AHNAK: variants seen among roughly 807,000 people sequenced by gnomAD.
AHNAK encodes the protein AHNAK nucleoprotein.
Under a neutral mutation model 37.8 loss-of-function variants are expected in AHNAK, and 23 were observed. The ratio of observed to expected loss-of-function variants is 0.61; its 90% CI spans 0.44 to 0.86. The LOEUF is 0.86. AHNAK is among the 40% of genes least tolerant of loss of function. The probability of loss-of-function intolerance (pLI) is 0.00; values close to 1 mark genes in which losing one functional copy is unlikely to be tolerated. For missense variants in AHNAK, 7,411 were observed against 7,319.4 expected, an observed-to-expected ratio of 1.01 and a Z score of -0.46; for synonymous variants, 2,481 against 2,636.3, an observed-to-expected ratio of 0.94 and a Z score of 1.80.
chr11:62,472,284 C>CACCCACCTG, intron 5 of AHNAK, among the ~76,000 whole-genome samples: 1 of 152,104 alleles, frequency 6.6e-6, no homozygotes, highest in South Asian at 2.1e-4. Context: ...CACAGCCAGA[C>CACCCACCTG]ACCCACCTGA....
chr11:62,507,085 C>A (rs949945134), intron 4 of AHNAK, among the ~76,000 whole-genome samples: 2 of 152,022 alleles, frequency 1.3e-5, no homozygotes, highest in Non-Finnish European at 2.9e-5. Flanking sequence ...AATTCCCTCC[C>A]CCCACTCCTC....
chr11:62,466,753 A>C (rs1938920555), intron 5 of AHNAK, among the ~76,000 whole-genome samples: 1 of 152,168 alleles, frequency 6.6e-6, no homozygotes, highest in Admixed American at 6.6e-5. Flanking sequence ...GATATGATAG[A>C]TATCCAGTAA....
intron 1 of AHNAK, among the ~76,000 whole-genome samples, chr11:62,543,000 A>G (rs1362950346): frequency 1.3e-5 from 2 of 152,168 alleles, no homozygotes; most frequent in Non-Finnish European, 2.9e-5. Context: ...CTGTCGCTGA[A>G]GAGCTACCCC....
At chr11:62,451,283 C>T (rs766580992) in intron 5 of AHNAK, among the ~76,000 whole-genome samples, 1 of 150,994 alleles carries the variant, frequency 6.6e-6, no homozygotes, top group African/African-American at 2.4e-5. Flanking sequence ...AAAGGCCCTC[C>T]TCCAGCCCCG....
Position 62,531,188 on chromosome 11 carries a change from T to C in AHNAK, c.3229A>G (p.Lys1077Glu), listed in dbSNP as rs766659660. The change falls in exon 5 of 5, where the codon AAA (lysine) becomes GAA (glutamate). Residue 1077 changes from lysine to glutamate, a missense_variant. By Grantham distance (56) the Lys-to-Glu change is moderately conservative. Transcript: ENST00000378024. ...MSLPDVDLDL[K>E]GPKMKGNVDI... ...ACATTTCCTTTCATTTTGGGTCCTT[T>C]AAGATCCAGGTCAACATCTGGCAAA... 1.9e-6 allele frequency: 3 copies of C among 1,614,144 alleles called. No homozygotes were observed. In the South Asian group the frequency reaches 3.3e-5, roughly 18 times the overall value.
chr11:62,494,505 C>G (rs565935725), intron 4 of AHNAK, among the ~76,000 whole-genome samples: 1 of 152,106 alleles, frequency 6.6e-6, no homozygotes, highest in South Asian at 2.1e-4. Context: ...ACTACTACCC[C>G]GTTTTACACA....
Position 62,444,709 on chromosome 11 carries a change from G to A in AHNAK, c.443-10818C>T, listed in dbSNP as rs554000173. 2.1e-4 allele frequency among the ~76,000 whole-genome samples: 32 copies of A among 152,348 alleles called. 1 individual carries two copies. The highest frequency in any genetic ancestry group is 1.8e-3 in the Admixed American group (28 of 15,296). On this transcript the variant is annotated intron_variant, in intron 5 of 5. Coordinates refer to the AHNAK transcript ENST00000257247. The stretch of plus-strand genomic sequence containing the variant: ...ATGGGGCACAGCACGCATGCGCGAT[G>A]GGCACTCCGGGTGCGTCAGCTGATT...
chr11:62,457,316 C>T (rs1220883875), intron 5 of AHNAK, among the ~76,000 whole-genome samples: 2 of 152,022 alleles, frequency 1.3e-5, no homozygotes, highest in Non-Finnish European at 2.9e-5. Flanking sequence ...GGCGTGGTGG[C>T]ACACACCTGT....
chr11:62,461,097 A>G lies in AHNAK; in HGVS notation c.443-27206T>C, dbSNP rs538366270. 2.7e-5 allele frequency among the ~76,000 whole-genome samples: 4 copies of G among 145,752 alleles called. No homozygotes were observed. In the South Asian group the frequency reaches 8.7e-4, roughly 32 times the overall value. ...TGATCCGCCCGCCTCGGCCTCCCAAAGTGTTGGGATTACAGGCGTGGGCCA... is the reference window on the plus strand; with the variant it reads ...TGATCCGCCCGCCTCGGCCTCCCAAGGTGTTGGGATTACAGGCGTGGGCCA... On this transcript the variant is annotated intron_variant, in intron 5 of 5. Coordinates refer to the AHNAK transcript ENST00000257247.
rs981134489 is a variant in AHNAK, at chr11:62,451,463, C to T, written c.443-17572G>A. 5.3e-5 allele frequency among the ~76,000 whole-genome samples: 8 copies of T among 151,766 alleles called. 2 individuals carry two copies. Among genetic ancestry groups the T allele is most frequent in the Non-Finnish European group, 1.0e-4 (7 of 67,820 alleles). On this transcript the variant is annotated intron_variant, in intron 5 of 5. Coordinates refer to the AHNAK transcript ENST00000257247. ...CCATCTAAAAAAAAAATTGGCCAGG[C>T]GCGATGGCTCATGTCTGTAATCCCA...
At position 62,466,283 on chromosome 11, in the gene AHNAK, G is replaced by A. The variant is rs186178593; in HGVS notation, c.442+25449C>T. On this transcript the variant is annotated intron_variant, in intron 5 of 5. Transcript: ENST00000257247. ...TGCAGTGAGCCGAGATCACGCCACCGCACTCCAGCCTGGGCAACAGAGCAA... is the reference window on the plus strand; with the variant it reads ...TGCAGTGAGCCGAGATCACGCCACCACACTCCAGCCTGGGCAACAGAGCAA... 2.2e-4 allele frequency among the ~76,000 whole-genome samples: 33 copies of A among 152,092 alleles called. No individual in the cohort carries two copies. In the East Asian group the frequency reaches 5.6e-3, roughly 26 times the overall value.
rs771236293 is a variant in AHNAK, at chr11:62,533,361, A to G, written c.1056T>C (p.Pro352=). 26 of 1,568,010 alleles carry G rather than the reference A, an allele frequency of 1.7e-5. No individual in the cohort carries two copies. The highest frequency in any genetic ancestry group is 9.2e-5 in the Admixed American group (5 of 54,546). ...CAGAGGGCACACTGACTTCCAGCTG[A>G]GGGGCTTGGATAGTCAAGCCTGGCT... is the stretch of plus-strand genomic sequence containing the variant. ...GGKPGLTIQA[P]QLEVSVPSAN... is the part of the protein sequence containing the mutation. Residue 352 remains proline, a synonymous_variant, in exon 5 of 5, where the codon CCT becomes CCC. Coordinates refer to ENST00000378024, the MANE Select transcript of AHNAK (RefSeq NM_001620.3).
intron 5 of AHNAK, among the ~76,000 whole-genome samples, chr11:62,444,919 G>GA (rs1311302413): frequency 1.3e-5 from 2 of 151,506 alleles, no homozygotes; most frequent in Non-Finnish European, 2.9e-5. Flanking sequence ...GGACCGATCT[G>GA]ATGGAAGCAG....
intron 2 of AHNAK, 168 bp downstream of exon 2, chr11:62,536,301 C>G (rs998432725): frequency 2.0e-6 from 1 of 502,474 alleles, no homozygotes; most frequent in African/African-American, 2.0e-5. Context: ...TGGAAGTTCT[C>G]CCAAGGCACA....
rs764609623 is a variant in AHNAK, at chr11:62,524,604, G to C, written c.9813C>G (p.Gly3271=). The change falls in exon 5 of 5, where the codon GGC becomes GGG. Residue 3271 remains glycine, a synonymous_variant. Transcript: ENST00000378024. ...DVDAPDIDIH[G]PDAKLKGPKL... Reference sequence around the variant, plus strand: ...TTGGACCTTTTAATTTGGCATCTGGGCCATGAATGTCAATATCTGGAGCAT... The same window carrying C: ...TTGGACCTTTTAATTTGGCATCTGGCCCATGAATGTCAATATCTGGAGCAT... 1 of 1,614,074 alleles carries C rather than the reference G, an allele frequency of 6.2e-7. No homozygotes were observed. Among genetic ancestry groups the C allele is most frequent in the Admixed American group, 1.7e-5 (1 of 60,020 alleles).
At chr11:62,439,664 GATTTT>G (rs1938260932) in intron 5 of AHNAK, among the ~76,000 whole-genome samples, 1 of 126,420 alleles carries the variant, frequency 7.9e-6, no homozygotes, top group Non-Finnish European at 1.7e-5. Context: ...ATTTTTGTGT[GATTTT>G]TTTTTTTTTT....
rs1261692240 is a variant in AHNAK at position 62,525,961 on chromosome 11, T to C, written c.8456A>G (p.Lys2819Arg). 2 of 1,614,102 alleles carry C rather than the reference T, an allele frequency of 1.2e-6. No homozygotes were observed. Among genetic ancestry groups the C allele is most frequent in the Non-Finnish European group, 1.7e-6 (2 of 1,180,016 alleles). Reference sequence around the variant, plus strand: ...CTCTGGCATCTTAAACTTTGGACTTTTCCACTTTCCTTCAGGTCCTTCGAT... The same window carrying C: ...CTCTGGCATCTTAAACTTTGGACTTCTCCACTTTCCTTCAGGTCCTTCGAT... ...VNIEGPEGKW[K>R]SPKFKMPEMH... The change falls in exon 5 of 5, where the codon AAA becomes AGA. Residue 2819 changes from lysine (K) to arginine (R), a missense_variant. By Grantham distance (26) the Lys-to-Arg change is conservative (BLOSUM62 2). Coordinates refer to ENST00000378024, the MANE Select transcript of AHNAK (RefSeq NM_001620.3).
intron 5 of AHNAK, among the ~76,000 whole-genome samples, chr11:62,443,228 G>A (rs11828406): frequency 0.012 from 1,827 of 148,318 alleles, 52 homozygotes; most frequent in African/African-American, 0.043. Context: ...CACCTGCCTC[G>A]GCCTCCCAAA....
chr11:62,538,475 G>T (rs1941023644), intron 1 of AHNAK, among the ~76,000 whole-genome samples: 1 of 152,248 alleles, frequency 6.6e-6, no homozygotes, highest in Non-Finnish European at 1.5e-5. Context: ...CAATTGAAAT[G>T]GTGTGGGGGA....
Sources: allele counts gnomAD v4.1 joint callset (sites outside exome capture counted in the v4.1 genomes callset), GRCh38; gene constraint gnomAD v4.1.1; transcripts MANE v1.5; gene names NCBI Gene and HGNC (gene_info 2026-07-23, HGNC 2026-07-21).